The following UBASH3A variants were observed in gnomAD, a reference collection of about 807,000 sequenced individuals.
UBASH3A encodes the protein ubiquitin-associated and SH3 domain-containing protein A.
In UBASH3A, 63 loss-of-function variants were observed where a neutral mutation model predicts 73.5. The ratio of observed to expected loss-of-function variants is 0.86; its 90% CI spans 0.70 to 1.06. The LOEUF (loss-of-function observed/expected upper bound fraction) is 1.06. Ranked by LOEUF, UBASH3A falls within the 50% of genes least tolerant of loss-of-function variation. The probability of loss-of-function intolerance (pLI) is 0.00; values close to 1 mark genes in which losing one functional copy is unlikely to be tolerated. For missense variants in UBASH3A, 860 were observed against 859.0 expected, an observed-to-expected ratio of 1.00 and a Z score of -0.02; for synonymous variants, 363 against 351.1, an observed-to-expected ratio of 1.03 and a Z score of -0.38.
rs373382744 is a variant in UBASH3A at position 42,420,302 on chromosome 21, T to C, written c.1046+1693T>C. ...AATCATCTCTAGATTACTTGTGATATGTAATACAGTATAAATACTATGCAA... is the reference window on the plus strand; with the variant it reads ...AATCATCTCTAGATTACTTGTGATACGTAATACAGTATAAATACTATGCAA... On this transcript the variant is annotated intron_variant, in intron 7 of 14. Transcript: ENST00000319294. 2.0e-5 allele frequency among the ~76,000 whole-genome samples: 3 copies of C among 152,326 alleles called. 1 individual carries two copies. Among genetic ancestry groups the C allele is most frequent in the East Asian group, 1.9e-4 (1 of 5,196 alleles).
intron 8 of UBASH3A, among the ~76,000 whole-genome samples, chr21:42,429,620 C>T (rs951066048): frequency 1.3e-5 from 2 of 152,106 alleles, no homozygotes; most frequent in African/African-American, 2.4e-5. Flanking sequence ...CTACAGCTCT[C>T]TAGGATGTTT....
At chr21:42,424,437 C>T (rs1311941228) in intron 7 of UBASH3A, among the ~76,000 whole-genome samples, 1 of 152,214 alleles carries the variant, frequency 6.6e-6, no homozygotes, top group African/African-American at 2.4e-5. Flanking sequence ...AATGTTTGTC[C>T]ATTGCTTTGA....
In UBASH3A at chr21:42,443,424, T is replaced by C; in HGVS notation, c.1738+6T>C. ...CAACACCTGTCCACAGGACAGTAAGTGCCTCACCATCCTCAGTATGAACAG... is the reference window on the plus strand; with the variant it reads ...CAACACCTGTCCACAGGACAGTAAGCGCCTCACCATCCTCAGTATGAACAG... On this transcript the variant is annotated splice_donor_region_variant and intron_variant, in intron 13 of 14. Transcript: ENST00000319294. 1 of 1,596,820 alleles carries C rather than the reference T, an allele frequency of 6.3e-7. No individual in the cohort carries two copies. Among genetic ancestry groups the C allele is most frequent in the Non-Finnish European group, 8.5e-7 (1 of 1,171,364 alleles).
In UBASH3A at chr21:42,430,130, G is replaced by A. The variant is rs2053503607; in HGVS notation, c.1171-1973G>A. On this transcript the variant is annotated intron_variant, in intron 8 of 14. Transcript: ENST00000319294. ...AAATTGGCCCCCACCCTACTTTCTGGTGTCCCTTCCTTCCCAGTAGTTTCC... is the reference window on the plus strand; with the variant it reads ...AAATTGGCCCCCACCCTACTTTCTGATGTCCCTTCCTTCCCAGTAGTTTCC... Among the ~76,000 whole-genome samples, 4 of 152,084 alleles carry A rather than the reference G, an allele frequency of 2.6e-5. 1 individual carries two copies. In the South Asian group the frequency reaches 6.2e-4, roughly 24 times the overall value.
intron 9 of UBASH3A, among the ~76,000 whole-genome samples, chr21:42,434,134 G>C (rs150803880): frequency 6.6e-6 from 1 of 152,202 alleles, no homozygotes; most frequent in Non-Finnish European, 1.5e-5. Flanking sequence ...TCAGACTCTG[G>C]GCTATGGGTG....
rs886957022 is a variant in UBASH3A, at chr21:42,405,821, G to A, written c.114-487G>A. Among the ~76,000 whole-genome samples the A allele has an allele frequency of 2.0e-5, 3 of 152,128 alleles. No individual in the cohort carries two copies. The South Asian group carries it at 6.2e-4, about 32-fold the overall frequency. ...CCGTGGGTGCAAGGGGACTGTGTAA[G>A]CCGTAACAAGTGCCTGCCTGGGTGC... On this transcript the variant is annotated intron_variant, in intron 1 of 14. Coordinates refer to ENST00000319294, the MANE Select transcript of UBASH3A (RefSeq NM_018961.4).
chr21:42,431,692 T>C (rs1296916283), intron 8 of UBASH3A, among the ~76,000 whole-genome samples: 1 of 152,104 alleles, frequency 6.6e-6, no homozygotes, highest in Non-Finnish European at 1.5e-5. Flanking sequence ...AGAAGAAGTG[T>C]GCCAGCAAGA....
chr21:42,416,801 C>T (rs1272578802), intron 6 of UBASH3A, among the ~76,000 whole-genome samples, 190 bp downstream of exon 6: 1 of 152,156 alleles, frequency 6.6e-6, no homozygotes, highest in Non-Finnish European at 1.5e-5. Context: ...GGCACGGCGG[C>T]GGGCACCTGT....
At chr21:42,439,445 C>T (rs548757575) in intron 11 of UBASH3A, among the ~76,000 whole-genome samples, 2 of 152,264 alleles carry the variant, frequency 1.3e-5, no homozygotes, top group South Asian at 2.1e-4. Context: ...GATTGCATCA[C>T]GGCACCTCTG....
intron 1 of UBASH3A, 71 bp from the exon 2 acceptor site, chr21:42,406,237 C>A: frequency 7.6e-7 from 1 of 1,307,476 alleles, no homozygotes; most frequent in Non-Finnish European, 1.1e-6. Context: ...TGCAAGGCCA[C>A]ACCCTGCCTC....
At chr21:42,418,706 A>G (rs2053273911) in intron 7 of UBASH3A, 97 bp downstream of exon 7, 1 of 1,139,584 alleles carries the variant, frequency 8.8e-7, no homozygotes, top group Non-Finnish European at 1.3e-6. Flanking sequence ...CCATTCCATT[A>G]TTGGTAAAAT....
In UBASH3A at chr21:42,404,036, A is replaced by C. The variant is rs765188710; in HGVS notation, c.91A>C (p.Met31Leu). ...SPSLLEPLLA[M>L]GFPVHTALKA... ...CTCGCTCCTGGAGCCCCTCCTGGCC[A>C]TGGGCTTCCCGGTGCACACCGCGTG... Residue 31 changes from methionine to leucine, a missense_variant, in exon 1 of 15, where the codon ATG becomes CTG. Met to Leu is a conservative substitution (Grantham distance 15, BLOSUM62 2). Transcript: ENST00000319294. 40 of 1,524,594 alleles carry C rather than the reference A, an allele frequency of 2.6e-5. No individual in the cohort carries two copies. In the South Asian group the frequency reaches 3.6e-4, roughly 14 times the overall value. The allele number at this position is 1,524,594 out of a possible 1,614,324, so 94.4% of individuals were successfully genotyped here.
intron 14 of UBASH3A, among the ~76,000 whole-genome samples, chr21:42,445,864 C>T (rs964555335): frequency 1.3e-5 from 2 of 152,180 alleles, no homozygotes; most frequent in Admixed American, 6.5e-5. Flanking sequence ...CTGGGCCACA[C>T]TGGTAGAGGT....
chr21:42,438,594 C>T (rs960661489), intron 11 of UBASH3A, among the ~76,000 whole-genome samples: 5 of 152,150 alleles, frequency 3.3e-5, no homozygotes, highest in African/African-American at 7.2e-5. Flanking sequence ...GCTGTGAGTA[C>T]GGTGGAGCCA....
chr21:42,413,105 G>A lies in UBASH3A; in HGVS notation c.436G>A (p.Val146Met), dbSNP rs1307953343. The change falls in exon 4 of 15, where the codon GTG (valine) becomes ATG (methionine). Residue 146 changes from valine (V) to methionine (M), a missense_variant. By Grantham distance (21) the Val-to-Met change is conservative. Transcript: ENST00000319294. The surrounding 1 kb of genome is among the most constrained non-coding windows in gnomAD (Gnocchi z 4.5). ...GCTCCTGGGCTCCTTCCCCACGGCC[G>A]TGCCTCTGGCTCTCCACTCCTCCAT... ...DRLLGSFPTAVPLALHSSISY... is the reference protein window; with the variant it reads ...DRLLGSFPTAMPLALHSSISY... The A allele has an allele frequency of 1.4e-5, 23 of 1,614,088 alleles. No individual in the cohort carries two copies. Among genetic ancestry groups the A allele is most frequent in the Non-Finnish European group, 1.8e-5 (21 of 1,180,054 alleles).
chr21:42,438,065 T>C (rs988462124), intron 11 of UBASH3A, among the ~76,000 whole-genome samples: 1 of 152,170 alleles, frequency 6.6e-6, no homozygotes, highest in Non-Finnish European at 1.5e-5. Flanking sequence ...AGAAGAAAGT[T>C]CCTGCCCATA....
Position 42,424,466 on chromosome 21 carries a change from A to G in UBASH3A, c.1047-2231A>G, listed in dbSNP as rs116627723. On this transcript the variant is annotated intron_variant, in intron 7 of 14. Coordinates refer to ENST00000319294, the MANE Select transcript of UBASH3A (RefSeq NM_018961.4). ...GCTTTGAAGATCAGAGATGGCCTGG[A>G]GAGACTGGTGATGGAGGACCGTATT... Among the ~76,000 whole-genome samples the G allele has an allele frequency of 2.0e-3, 304 of 152,314 alleles. 2 individuals carry two copies. Among genetic ancestry groups the G allele is most frequent in the African/African-American group, 6.9e-3 (285 of 41,566 alleles).
chr21:42,433,544 G>A (rs1414144579), intron 9 of UBASH3A, among the ~76,000 whole-genome samples: 1 of 152,148 alleles, frequency 6.6e-6, no homozygotes, highest in African/African-American at 2.4e-5. Context: ...CAGCTGAAGT[G>A]TCAATGACAG....
intron 8 of UBASH3A, among the ~76,000 whole-genome samples, chr21:42,430,657 C>G (rs900655106): frequency 6.6e-6 from 1 of 152,174 alleles, no homozygotes; most frequent in African/African-American, 2.4e-5. Flanking sequence ...CGTGGCAGGC[C>G]GTGTTCGCTC....
Sources: allele counts gnomAD v4.1 joint callset (sites outside exome capture counted in the v4.1 genomes callset), GRCh38; gene constraint gnomAD v4.1.1; non-coding constraint Gnocchi (gnomAD v3.1); transcripts MANE v1.5; gene names NCBI Gene and HGNC (gene_info 2026-07-23, HGNC 2026-07-21).